Variants in DPF3 observed in about 807,000 individuals in gnomAD.
The protein encoded by DPF3 is zinc finger protein DPF3.
DPF3 carries 18 observed loss-of-function variants against 56.8 expected under a neutral mutation model. That is an observed-to-expected ratio of 0.32 (90% CI 0.22 to 0.47). The LOEUF (loss-of-function observed/expected upper bound fraction) is 0.47, where lower values mean the gene tolerates loss of function less well. Among genes scored for constraint, DPF3 ranks in the 20% least tolerant of loss-of-function variants. The pLI is 1.00. For missense variants in DPF3, 403 were observed against 488.8 expected (o/e 0.82, Z 1.65); for synonymous variants, 188 against 180.2 (o/e 1.04, Z -0.35).
chr14:72,791,130 T>C (rs1892412518), intron 1 of DPF3, among the ~76,000 whole-genome samples: 1 of 151,698 alleles, frequency 6.6e-6, no homozygotes, highest in African/African-American at 2.4e-5. Flanking sequence ...CCTTCCCCAC[T>C]CCCCCGACCT....
intron 1 of DPF3, among the ~76,000 whole-genome samples, chr14:72,821,389 C>T (rs1883535439): frequency 6.6e-6 from 1 of 151,970 alleles, no homozygotes; most frequent in Non-Finnish European, 1.5e-5. Context: ...CCAAGACCTG[C>T]CTGGGCAACA....
chr14:72,729,637 C>G (rs1889552683), intron 4 of DPF3, among the ~76,000 whole-genome samples: 1 of 152,096 alleles, frequency 6.6e-6, no homozygotes, highest in Non-Finnish European at 1.5e-5. Flanking sequence ...CATGAAGGAA[C>G]CTTAAATGAA....
chr14:72,813,887 G>A (rs962398112), intron 1 of DPF3, among the ~76,000 whole-genome samples: 53 of 152,170 alleles, frequency 3.5e-4, no homozygotes, highest in African/African-American at 8.4e-4. Flanking sequence ...AGGGCCCTCC[G>A]GCACCATAAT....
chr14:72,708,279 T>A (rs1050422515), intron 6 of DPF3, among the ~76,000 whole-genome samples: 1 of 152,208 alleles, frequency 6.6e-6, no homozygotes, highest in African/African-American at 2.4e-5. Flanking sequence ...ACCTGCAACC[T>A]GTGTCCATGA....
chr14:72,861,755 GAA>G (rs1312710185), intron 1 of DPF3, among the ~76,000 whole-genome samples: 1 of 137,566 alleles, frequency 7.3e-6, no homozygotes, highest in Non-Finnish European at 1.6e-5. Flanking sequence ...AAGAAAGAAA[GAA>G]AGAAAGAAAG....
At chr14:72,715,321 C>T (rs780042283) in intron 5 of DPF3, among the ~76,000 whole-genome samples, 2 of 152,176 alleles carry the variant, frequency 1.3e-5, no homozygotes, top group African/African-American at 2.4e-5. Context: ...GCTCTGCAGC[C>T]CCAGGGCGGT....
intron 2 of DPF3, among the ~76,000 whole-genome samples, chr14:72,771,032 T>C (rs1891505554): frequency 6.6e-6 from 1 of 151,758 alleles, no homozygotes; most frequent in African/African-American, 2.4e-5. Flanking sequence ...AAAAACTAGC[T>C]GGGTGTGGTG....
At chr14:72,677,125 A>G (rs1402649773) in intron 7 of DPF3, among the ~76,000 whole-genome samples, 1 of 152,184 alleles carries the variant, frequency 6.6e-6, no homozygotes, top group Admixed American at 6.5e-5. Context: ...GAGGTCCTAA[A>G]ATCCCATGTA....
intron 9 of DPF3, among the ~76,000 whole-genome samples, chr14:72,625,370 G>A (rs887746552): frequency 6.6e-6 from 1 of 151,846 alleles, no homozygotes; most frequent in Non-Finnish European, 1.5e-5. Context: ...CCTAGATTTG[G>A]TCATTACGGG....
chr14:72,715,071 G>A (rs1888855879), intron 5 of DPF3, among the ~76,000 whole-genome samples: 1 of 152,226 alleles, frequency 6.6e-6, no homozygotes, highest in Admixed American at 6.5e-5. Flanking sequence ...GTGCACGAGT[G>A]TAGCTACAGG....
At chr14:72,630,771 C>T (rs1885124309) in intron 8 of DPF3, among the ~76,000 whole-genome samples, 1 of 152,236 alleles carries the variant, frequency 6.6e-6, no homozygotes, top group South Asian at 2.1e-4. Context: ...ACAGCTTTGC[C>T]CAGTGCCGAG....
intron 8 of DPF3, among the ~76,000 whole-genome samples, chr14:72,632,928 G>A (rs76123459): frequency 0.096 from 14,522 of 151,658 alleles, 1,164 homozygotes; most frequent in East Asian, 0.25. Flanking sequence ...ATTGTTGAGG[G>A]GTGGGAGGGT....
intron 3 of DPF3, among the ~76,000 whole-genome samples, chr14:72,745,961 G>A (rs1352518569): frequency 6.6e-6 from 1 of 152,230 alleles, no homozygotes; most frequent in Non-Finnish European, 1.5e-5. Flanking sequence ...TGAATGATGA[G>A]GGCAGAGCCT....
At chr14:72,874,572 C>T (rs1442906516) in intron 1 of DPF3, among the ~76,000 whole-genome samples, 1 of 152,178 alleles carries the variant, frequency 6.6e-6, no homozygotes, top group African/African-American at 2.4e-5. Flanking sequence ...CTAGGGGAGT[C>T]TCTAGGGGAG....
intron 8 of DPF3, chr14:72,671,583 T>C: frequency 1.5e-6 from 1 of 661,112 alleles, no homozygotes; most frequent in Non-Finnish European, 2.8e-6. Flanking sequence ...TGTCCACAGC[T>C]TCCGACAGCA....
intron 1 of DPF3, among the ~76,000 whole-genome samples, chr14:72,821,313 C>T (rs1193703773): frequency 6.6e-6 from 1 of 151,472 alleles, no homozygotes; most frequent in Non-Finnish European, 1.5e-5. Context: ...CTGGCCATGG[C>T]GGCTCAGTCC....
intron 1 of DPF3, among the ~76,000 whole-genome samples, chr14:72,882,602 C>A (rs2140125930): frequency 6.6e-6 from 1 of 152,262 alleles, no homozygotes; most frequent in South Asian, 2.1e-4. Context: ...GAAGCAGCCG[C>A]CTGTTAATTT....
chr14:72,717,814 A>C (rs1888994934), intron 5 of DPF3, among the ~76,000 whole-genome samples: 1 of 152,182 alleles, frequency 6.6e-6, no homozygotes, highest in Non-Finnish European at 1.5e-5. Context: ...AAAGCTTTGA[A>C]GGTGACCAGC....
chr14:72,871,829 C>G (rs1428129894), intron 1 of DPF3, among the ~76,000 whole-genome samples: 1 of 152,210 alleles, frequency 6.6e-6, no homozygotes. Context: ...ATTCTGGAAT[C>G]TGGAGGATGG....
Sources: allele counts gnomAD v4.1 joint callset (sites outside exome capture counted in the v4.1 genomes callset), GRCh38; gene constraint gnomAD v4.1.1; transcripts MANE v1.5; gene names NCBI Gene and HGNC (gene_info 2026-07-23, HGNC 2026-07-21).